CPNE8: variants seen among roughly 807,000 people sequenced by gnomAD.
CPNE8 encodes copine 8.
CPNE8 carries 45 observed loss-of-function variants against 81.5 expected under a neutral mutation model. The ratio of observed to expected loss-of-function variants is 0.55; its 90% CI spans 0.44 to 0.71. The LOEUF (loss-of-function observed/expected upper bound fraction) is 0.71, where lower values mean the gene tolerates loss of function less well. Ranked by LOEUF, CPNE8 falls within the 30% of genes least tolerant of loss-of-function variation. The pLI, the probability that CPNE8 is intolerant of heterozygous loss-of-function variation, is 0.00. For missense variants in CPNE8, 594 were observed against 672.1 expected (o/e 0.88, Z 1.28); for synonymous variants, 252 against 226.3 (o/e 1.11, Z -1.02).
chr12:38,865,937 C>A (rs1450710853), intron 3 of CPNE8, among the ~76,000 whole-genome samples: 1 of 152,178 alleles, frequency 6.6e-6, no homozygotes, highest in Non-Finnish European at 1.5e-5. Flanking sequence ...CTTATATTAA[C>A]CCACAGTTTC....
chr12:38,731,949 C>T (rs537291342), intron 10 of CPNE8, among the ~76,000 whole-genome samples: 1 of 151,746 alleles, frequency 6.6e-6, no homozygotes, highest in South Asian at 2.1e-4. Context: ...TTTTTAGAAT[C>T]CATCCTCCTC....
chr12:38,722,863 TC>T (rs1215035964), intron 13 of CPNE8, among the ~76,000 whole-genome samples: 1 of 152,072 alleles, frequency 6.6e-6, no homozygotes, highest in African/African-American at 2.4e-5. Context: ...GGGGGCAGTT[TC>T]CCCCATGCTG....
At chr12:38,798,986 TAAG>T (rs1942582550) in intron 6 of CPNE8, among the ~76,000 whole-genome samples, 1 of 152,064 alleles carries the variant, frequency 6.6e-6, no homozygotes, top group South Asian at 2.1e-4. Context: ...ATCAATTCAA[TAAG>T]AAGAGCTAAC....
At chr12:38,782,678 T>A (rs1287598293) in intron 6 of CPNE8, among the ~76,000 whole-genome samples, 1 of 150,730 alleles carries the variant, frequency 6.6e-6, no homozygotes, top group South Asian at 2.1e-4. Context: ...TTTTGTTTTG[T>A]TTTTGTTTTG....
In CPNE8 at chr12:38,867,305, A is replaced by AGTGTGTGTGT. The variant is rs35874005; in HGVS notation, c.186+5689_186+5698dup. On this transcript the variant is annotated intron_variant, in intron 3 of 19. Coordinates refer to ENST00000331366, the MANE Select transcript of CPNE8 (RefSeq NM_153634.3). ...GTCCTTGATGTTTGTTGAATAGTAT[A>AGTGTGTGTGT]GTGTGTGTGTGTGTGTGTGTGTGTG... is the stretch of plus-strand genomic sequence containing the variant. 3.8e-3 allele frequency among the ~76,000 whole-genome samples: 505 copies of AGTGTGTGTGT among 133,188 alleles called. 4 individuals are homozygous for AGTGTGTGTGT. Among genetic ancestry groups the AGTGTGTGTGT allele is most frequent in the African/African-American group, 0.013 (478 of 35,602 alleles). 87.4% of individuals were successfully genotyped at this position (133,188 alleles called of 152,430 possible). A position where few individuals can be genotyped will look rare whatever the true frequency, so the allele number is the denominator to read the frequency against.
At position 38,811,974 on chromosome 12, in the gene CPNE8, G is replaced by A. The variant is rs151286311; in HGVS notation, c.407+17405C>T. Among the ~76,000 whole-genome samples the A allele has an allele frequency of 1.0e-3, 159 of 152,290 alleles. 1 individual carries two copies. The highest frequency in any genetic ancestry group is 3.5e-3 in the African/African-American group (147 of 41,560). ...GTCCCTAGCCTAGAGAGTCTCTTGG[G>A]AAGAAAAGCAAATAAGCACATAGTA... is the stretch of plus-strand genomic sequence containing the variant. On this transcript the variant is annotated intron_variant, in intron 6 of 19. Coordinates refer to ENST00000331366, the MANE Select transcript of CPNE8 (RefSeq NM_153634.3).
intron 8 of CPNE8, among the ~76,000 whole-genome samples, chr12:38,764,340 G>T (rs1314504652): frequency 6.6e-6 from 1 of 152,024 alleles, no homozygotes; most frequent in African/African-American, 2.4e-5. Context: ...GTCATAGGCC[G>T]GGCGCAGTAG....
chr12:38,749,927 A>G (rs1472763728), intron 10 of CPNE8, among the ~76,000 whole-genome samples: 15 of 152,122 alleles, frequency 9.9e-5, no homozygotes, highest in Admixed American at 9.8e-4. Context: ...TCCCCAAGAC[A>G]ATGGGGAAAA....
At chr12:38,855,498 C>A (rs144327473) in intron 3 of CPNE8, among the ~76,000 whole-genome samples, 1 of 152,208 alleles carries the variant, frequency 6.6e-6, no homozygotes, top group African/African-American at 2.4e-5. Flanking sequence ...GTTACCAACA[C>A]AGCATGTTAC....
At chr12:38,839,848 TTAA>T in intron 5 of CPNE8, 65 bp downstream of exon 5, 19 of 1,329,676 alleles carry the variant, frequency 1.4e-5, no homozygotes, top group Non-Finnish European at 1.7e-5. Context: ...AACTTTAATA[TTAA>T]TAAGTCAGCA....
chr12:38,852,221 G>A lies in CPNE8; in HGVS notation c.187-3559C>T, dbSNP rs552817196. ...GGTGGGCAGATCACCTGAGGTTAGGGGTTCAAGACCAGCCTGACCAACATG... is the reference window on the plus strand; with the variant it reads ...GGTGGGCAGATCACCTGAGGTTAGGAGTTCAAGACCAGCCTGACCAACATG... On this transcript the variant is annotated intron_variant, in intron 3 of 19. Transcript: ENST00000331366. Among the ~76,000 whole-genome samples the A allele has an allele frequency of 9.5e-4, 145 of 151,854 alleles. 1 individual carries two copies. Among genetic ancestry groups the A allele is most frequent in the African/African-American group, 3.2e-3 (134 of 41,440 alleles).
At chr12:38,797,661 C>A (rs887083607) in intron 6 of CPNE8, among the ~76,000 whole-genome samples, 1 of 152,148 alleles carries the variant, frequency 6.6e-6, no homozygotes, top group Admixed American at 6.5e-5. Flanking sequence ...TCCAAAGGAA[C>A]CCAGTTCCTC....
chr12:38,655,264 C>G (rs1327230692), intron 19 of CPNE8, among the ~76,000 whole-genome samples: 1 of 152,096 alleles, frequency 6.6e-6, no homozygotes, highest in African/African-American at 2.4e-5. Context: ...ATACCAAATG[C>G]TCCTGTAATA....
intron 10 of CPNE8, among the ~76,000 whole-genome samples, chr12:38,746,596 T>C (rs73107183): frequency 0.047 from 7,227 of 152,240 alleles, 583 homozygotes; most frequent in African/African-American, 0.16. Flanking sequence ...ATTAGAAGAC[T>C]GTTTTTTGCT....
intron 6 of CPNE8, among the ~76,000 whole-genome samples, chr12:38,811,904 T>C (rs1041182434): frequency 1.3e-5 from 2 of 152,194 alleles, no homozygotes; most frequent in Non-Finnish European, 2.9e-5. Context: ...TACCCTTTTA[T>C]AGGCATTATG....
chr12:38,895,919 C>T (rs756462125), intron 1 of CPNE8, among the ~76,000 whole-genome samples: 2 of 152,102 alleles, frequency 1.3e-5, no homozygotes, highest in Admixed American at 6.6e-5. Context: ...TTACTAGATA[C>T]GTGACTTAAA....
chr12:38,777,565 T>A (rs117981205), intron 6 of CPNE8, among the ~76,000 whole-genome samples: 2 of 152,256 alleles, frequency 1.3e-5, no homozygotes, highest in Non-Finnish European at 2.9e-5. Flanking sequence ...CACCACTCAC[T>A]TAGACTCACC....
At chr12:38,849,575 A>G (rs74746040) in intron 3 of CPNE8, among the ~76,000 whole-genome samples, 8,429 of 152,274 alleles carry the variant, frequency 0.055, 764 homozygotes, top group African/African-American at 0.19. Context: ...AATCCATTAA[A>G]ATGTGAAGCT....
intron 9 of CPNE8, among the ~76,000 whole-genome samples, chr12:38,761,620 T>C (rs1027134917): frequency 2.0e-5 from 3 of 152,200 alleles, no homozygotes; most frequent in African/African-American, 7.2e-5. Context: ...GATGGGGTTT[T>C]TATATTATAA....
Sources: allele counts gnomAD v4.1 joint callset (sites outside exome capture counted in the v4.1 genomes callset), GRCh38; gene constraint gnomAD v4.1.1; transcripts MANE v1.5; gene names NCBI Gene and HGNC (gene_info 2026-07-23, HGNC 2026-07-21).